The following UPK3A variants were observed in gnomAD, a reference collection of about 807,000 sequenced individuals.
The protein encoded by UPK3A is uroplakin 3A, also known as uroplakin-3a.
A neutral mutation model predicts 27.6 loss-of-function variants in UPK3A; 32 were observed. The ratio of observed to expected loss-of-function variants is 1.16; its 90% CI spans 0.87 to 1.55. The LOEUF is 1.55. Ranked by LOEUF, UPK3A falls within the 40% of genes most tolerant of loss-of-function variation. The probability of loss-of-function intolerance (pLI) is 0.00; values close to 1 mark genes in which losing one functional copy is unlikely to be tolerated. For missense variants in UPK3A, 370 were observed against 367.9 expected, an observed-to-expected ratio of 1.01 and a Z score of -0.05; for synonymous variants, 171 against 163.9, an observed-to-expected ratio of 1.04 and a Z score of -0.33.
intron 5 of UPK3A, among the ~76,000 whole-genome samples, chr22:45,294,877 C>A (rs2084184721): frequency 1.3e-5 from 2 of 149,994 alleles, no homozygotes; most frequent in South Asian, 2.1e-4. Context: ...TCTTCCCCTA[C>A]GCTCCTTTTT....
intron 2 of UPK3A, 45 bp downstream of exon 2, chr22:45,286,141 C>A (rs745475660): frequency 9.9e-6 from 16 of 1,612,070 alleles, no homozygotes; most frequent in Non-Finnish European, 1.4e-5. Context: ...GGGGCTCTGA[C>A]CTGTCTGCAG....
intron 4 of UPK3A, among the ~76,000 whole-genome samples, chr22:45,289,446 G>A (rs1491003581): frequency 1.3e-5 from 2 of 151,994 alleles, no homozygotes; most frequent in Non-Finnish European, 2.9e-5. Context: ...AGGCGTGGTG[G>A]GGGTGCCTTT....
At position 45,293,594 on chromosome 22, in the gene UPK3A, A is replaced by G. The variant is rs562769919; in HGVS notation, c.704+281A>G. ...TCAGATCTTAGCTCTGACACTGAAGAGTTATGCAACCTTAGGTATGGCTTG... is the reference window on the plus strand; with the variant it reads ...TCAGATCTTAGCTCTGACACTGAAGGGTTATGCAACCTTAGGTATGGCTTG... On this transcript the variant is annotated intron_variant, in intron 5 of 5. Coordinates refer to ENST00000216211, the MANE Select transcript of UPK3A (RefSeq NM_006953.4). 3.9e-5 allele frequency among the ~76,000 whole-genome samples: 6 copies of G among 152,284 alleles called. No homozygotes were observed. In the East Asian group the frequency reaches 1.2e-3, roughly 29 times the overall value.
rs1569106077 is a variant in UPK3A, at chr22:45,291,889, C to CAGGGT, written c.572-1292_572-1291insAGGGT. On this transcript the variant is annotated intron_variant, in intron 4 of 5. Transcript: ENST00000216211. Reference sequence around the variant, plus strand: ...TGTGGTGTGTGAGAGTGTGGCAGGGCGTGTGAGTTGGTATGTGTGGTGTGT... The same window carrying CAGGGT: ...TGTGGTGTGTGAGAGTGTGGCAGGGCAGGGTGTGTGAGTTGGTATGTGTGGTGTGT... Among the ~76,000 whole-genome samples, 199 of 82,518 alleles carry CAGGGT rather than the reference C, an allele frequency of 2.4e-3. 1 individual carries two copies. The highest frequency in any genetic ancestry group is 9.0e-3 in the African/African-American group (192 of 21,284). 54.1% of individuals were successfully genotyped at this position (82,518 alleles called of 152,430 possible). A position where few individuals can be genotyped will look rare whatever the true frequency, so the allele number is the denominator to read the frequency against.
intron 2 of UPK3A, among the ~76,000 whole-genome samples, chr22:45,286,319 C>T (rs1329716324): frequency 2.0e-5 from 3 of 152,218 alleles, no homozygotes; most frequent in Non-Finnish European, 4.4e-5. Context: ...GCACTTTGCA[C>T]ACCATAGAGC....
intron 4 of UPK3A, among the ~76,000 whole-genome samples, chr22:45,291,935 T>C (rs1441777215): frequency 6.6e-6 from 1 of 150,832 alleles, no homozygotes; most frequent in East Asian, 1.9e-4. Flanking sequence ...AGTGTGGCAG[T>C]GTGTGTCAGT....
At chr22:45,290,999 G>A (rs1233197345) in intron 4 of UPK3A, among the ~76,000 whole-genome samples, 1 of 152,082 alleles carries the variant, frequency 6.6e-6, no homozygotes, top group Non-Finnish European at 1.5e-5. Context: ...ATGATGAGTT[G>A]TACAATCATT....
chr22:45,285,104 G>A (rs1373059399), intron 1 of UPK3A, 39 bp downstream of exon 1: 7 of 1,527,894 alleles, frequency 4.6e-6, no homozygotes, highest in East Asian at 2.5e-5. Context: ...AGCCCAGAAA[G>A]AGCGGGCAGC....
chr22:45,291,465 G>A (rs969017610), intron 4 of UPK3A, among the ~76,000 whole-genome samples: 16 of 148,576 alleles, frequency 1.1e-4, no homozygotes, highest in Admixed American at 1.1e-3. Context: ...AGGTGTGTGT[G>A]TGAGTTTGAG....
At chr22:45,290,826 C>A (rs929655789) in intron 4 of UPK3A, among the ~76,000 whole-genome samples, 2 of 152,170 alleles carry the variant, frequency 1.3e-5, no homozygotes, top group Non-Finnish European at 2.9e-5. Flanking sequence ...ATTAGAGTGT[C>A]ACGGGAGCGC....
At chr22:45,285,144 C>G in intron 1 of UPK3A, 79 bp downstream of exon 1, 2 of 1,347,626 alleles carry the variant, frequency 1.5e-6, no homozygotes, top group Admixed American at 2.4e-5. Context: ...CGCCTGGACC[C>G]TGATTCCTGG....
At position 45,290,705 on chromosome 22, in the gene UPK3A, C is replaced by T. The variant is rs545830999; in HGVS notation, c.571+1562C>T. On this transcript the variant is annotated intron_variant, in intron 4 of 5. Transcript: ENST00000216211. ...GTCCATGGCCTGTTAGGAACGGGAC[C>T]GCGCAGCAGGAGGTGAGCAGTGGGC... is the stretch of plus-strand genomic sequence containing the variant. Among the ~76,000 whole-genome samples, 200 of 152,160 alleles carry T rather than the reference C, an allele frequency of 1.3e-3. No individual in the cohort carries two copies. The Middle Eastern group carries it at 0.014, about 10-fold the overall frequency.
chr22:45,287,207 AACACCCC>A lies in UPK3A; in HGVS notation c.247_253del (p.Thr83TrpfsTer23). 6.2e-7 allele frequency: 1 copy of A among 1,614,192 alleles called. No homozygotes were observed. Among genetic ancestry groups the A allele is most frequent in the South Asian group, 1.1e-5 (1 of 91,084 alleles). On this transcript the variant is annotated frameshift_variant, in exon 3 of 6. Transcript: ENST00000216211. LOFTEE classifies it high-confidence loss of function. ...GAATGCCTCAGTGCAAGACAGCACC[AACACCCC>A]ACTGGGCTCAACGTTCCTACAAACA...
chr22:45,292,777 G>A (rs1033524745), intron 4 of UPK3A, among the ~76,000 whole-genome samples: 9 of 151,778 alleles, frequency 5.9e-5, no homozygotes, highest in Admixed American at 2.0e-4. Context: ...GCATGGTGGC[G>A]TGCACCTGTA....
At chr22:45,290,133 G>T (rs1601848929) in intron 4 of UPK3A, among the ~76,000 whole-genome samples, 1 of 152,340 alleles carries the variant, frequency 6.6e-6, no homozygotes, top group South Asian at 2.1e-4. Flanking sequence ...GAACGCCAGG[G>T]TGCTGCGCTG....
At chr22:45,289,944 G>A (rs112441997) in intron 4 of UPK3A, among the ~76,000 whole-genome samples, 63 of 152,240 alleles carry the variant, frequency 4.1e-4, no homozygotes, top group African/African-American at 1.4e-3. Flanking sequence ...AAAGGCACGC[G>A]GAGCTGACCC....
In UPK3A at chr22:45,287,302, G is replaced by A. The variant is rs781575757; in HGVS notation, c.339G>A (p.Leu113=). 3 of 1,614,214 alleles carry A rather than the reference G, an allele frequency of 1.9e-6. No homozygotes were observed. The highest frequency in any genetic ancestry group is 1.3e-5 in the African/African-American group (1 of 75,042). The stretch of plus-strand genomic sequence containing the variant: ...TTGACCTGATCCCCTGCAGTGACCT[G>A]CCCAGCCTGGATGCCATTGGGGATG... ...VAFDLIPCSD[L]PSLDAIGDVS... The change falls in exon 3 of 6, where the codon CTG becomes CTA. Residue 113 remains leucine (L), a synonymous_variant. Coordinates refer to ENST00000216211, the MANE Select transcript of UPK3A (RefSeq NM_006953.4).
intron 4 of UPK3A, 27 bp downstream of exon 4, chr22:45,289,170 A>G: frequency 1.2e-6 from 2 of 1,611,906 alleles, no homozygotes; most frequent in African/African-American, 2.7e-5. Flanking sequence ...GGTGGTGGTG[A>G]TGCTCAAGGG....
At chr22:45,295,495 G>A in intron 5 of UPK3A, 65 bp from the exon 6 acceptor site, 5 of 1,566,784 alleles carry the variant, frequency 3.2e-6, no homozygotes, top group Non-Finnish European at 3.5e-6. Flanking sequence ...AGGTCCCCAA[G>A]CAGCTAAAGG....
Sources: allele counts gnomAD v4.1 joint callset (sites outside exome capture counted in the v4.1 genomes callset), GRCh38; gene constraint gnomAD v4.1.1; transcripts MANE v1.5; gene names NCBI Gene and HGNC (gene_info 2026-07-23, HGNC 2026-07-21).